TRIM66: variants seen among roughly 807,000 people sequenced by gnomAD.
The protein encoded by TRIM66 is tripartite motif containing 66.
Under a neutral mutation model 148.2 loss-of-function variants are expected in TRIM66, and 99 were observed. That is an observed-to-expected ratio of 0.67 (90% CI 0.57 to 0.79). The LOEUF is 0.79. Ranked by LOEUF, TRIM66 falls within the 30% of genes least tolerant of loss-of-function variation. The pLI, the probability that TRIM66 is intolerant of heterozygous loss-of-function variation, is 0.00. For synonymous variants in TRIM66, 616 were observed against 635.9 expected (o/e 0.97, Z 0.47); for missense variants, 1,666 against 1,697.9 (o/e 0.98, Z 0.33).
In TRIM66 at chr11:8,648,081, C is replaced by T. The variant is rs1271956006; in HGVS notation, c.731G>A (p.Arg244Lys). The T allele has an allele frequency of 2.6e-6, 4 of 1,551,620 alleles. No individual in the cohort carries two copies. The highest frequency in any genetic ancestry group is 2.6e-6 in the Non-Finnish European group (3 of 1,146,898). ...GTTTTGCAAAACTTCTTCAACATGTCTGCACCTAGGGGATGAGGCAGAGAA... is the reference window on the plus strand; with the variant it reads ...GTTTTGCAAAACTTCTTCAACATGTTTGCACCTAGGGGATGAGGCAGAGAA... ...LVVEHKEHRC[R>K]HVEEVLQNQR... The change falls in exon 10 of 25, where the codon AGA (arginine) becomes AAA (lysine). Residue 244 changes from arginine (R) to lysine (K), a missense_variant. Arg to Lys is a conservative substitution (Grantham distance 26, BLOSUM62 2). Around this residue, in one of 3 missense-constraint regions of TRIM66, gnomAD observed 1,431 missense variants for 1,412.4 expected, o/e 1.01. Coordinates refer to ENST00000646038, the MANE Select transcript of TRIM66 (RefSeq NM_001388022.1).
At chr11:8,649,009 G>A (rs996342008) in intron 8 of TRIM66, among the ~76,000 whole-genome samples, 2 of 152,186 alleles carry the variant, frequency 1.3e-5, no homozygotes, top group African/African-American at 4.8e-5. Context: ...ACAATTCAAG[G>A]GCCTTGAGAA....
chr11:8,658,167 C>A (rs1243722924), intron 6 of TRIM66, among the ~76,000 whole-genome samples: 3 of 152,224 alleles, frequency 2.0e-5, no homozygotes, highest in Non-Finnish European at 2.9e-5. Context: ...GATACTCCTG[C>A]AAGAAAGAGC....
chr11:8,621,629 C>A lies in TRIM66; in HGVS notation c.3255+16G>T. ...GCTGGGCCAGGGTTTAAGGCCAAGG[C>A]AAAGCAAAGTGGTACCTTAATGGAC... On this transcript the variant is annotated intron_variant, in intron 19 of 24. Coordinates refer to ENST00000646038, the MANE Select transcript of TRIM66 (RefSeq NM_001388022.1). 1.3e-6 allele frequency: 2 copies of A among 1,508,150 alleles called. No individual in the cohort carries two copies. Among genetic ancestry groups the A allele is most frequent in the Non-Finnish European group, 8.9e-7 (1 of 1,128,466 alleles). 93.4% of individuals were successfully genotyped at this position (1,508,150 alleles called of 1,614,324 possible). A position where few individuals can be genotyped will look rare whatever the true frequency, so the allele number is the denominator to read the frequency against.
chr11:8,661,392 G>A (rs1371663782), intron 6 of TRIM66, among the ~76,000 whole-genome samples: 1 of 152,252 alleles, frequency 6.6e-6, no homozygotes, highest in African/African-American at 2.4e-5. Context: ...GGTAGGATGA[G>A]TCTGGGCTCA....
chr11:8,642,930 G>T, intron 13 of TRIM66, 79 bp downstream of exon 13: 2 of 838,490 alleles, frequency 2.4e-6, no homozygotes, highest in Non-Finnish European at 3.4e-6. Context: ...TTGGGCATAT[G>T]CTGACCTACC....
intron 6 of TRIM66, chr11:8,654,677 T>C (rs1183785107): frequency 1.3e-5 from 2 of 152,212 alleles, no homozygotes; most frequent in East Asian, 3.9e-4. Flanking sequence ...ACATCAGTGG[T>C]AGGTTCTTGG....
In TRIM66 at chr11:8,622,339, A is replaced by AACACACACACACAC. The variant is rs150269400; in HGVS notation, c.3080+463_3080+476dup. 4.8e-3 allele frequency among the ~76,000 whole-genome samples: 341 copies of AACACACACACACAC among 70,722 alleles called. 3 individuals carry two copies. Among genetic ancestry groups the AACACACACACACAC allele is most frequent in the South Asian group, 8.1e-3 (18 of 2,230 alleles). 46.4% of individuals were successfully genotyped at this position (70,722 alleles called of 152,430 possible). A position where few individuals can be genotyped will look rare whatever the true frequency, so the allele number is the denominator to read the frequency against. The stretch of plus-strand genomic sequence containing the variant: ...TATATATGGAAGTACACACACACAC[A>AACACACACACACAC]ACACACACACACACACACACACACA... On this transcript the variant is annotated intron_variant, in intron 18 of 24. Coordinates refer to ENST00000646038, the MANE Select transcript of TRIM66 (RefSeq NM_001388022.1).
rs147088164 is a variant in TRIM66, at chr11:8,625,463, T to TTGTGTGTGTGTGTGTGTGTGTGTGTG, written c.2311-261_2311-236dup. Among the ~76,000 whole-genome samples, 13 of 148,248 alleles carry TTGTGTGTGTGTGTGTGTGTGTGTGTG rather than the reference T, an allele frequency of 8.8e-5. No homozygotes were observed. The East Asian group carries it at 1.7e-3, about 19-fold the overall frequency. On this transcript the variant is annotated intron_variant, in intron 15 of 24. Transcript: ENST00000646038. Reference sequence around the variant, plus strand: ...AGAGAGAGGCACAAGCGGAGAACTATTGTGTGTGTGTGTGTGTGTGTGTGT... The same window carrying TTGTGTGTGTGTGTGTGTGTGTGTGTG: ...AGAGAGAGGCACAAGCGGAGAACTATTGTGTGTGTGTGTGTGTGTGTGTGTGTGTGTGTGTGTGTGTGTGTGTGTGT...
At chr11:8,652,163 T>G (rs996642262) in intron 6 of TRIM66, among the ~76,000 whole-genome samples, 2 of 152,088 alleles carry the variant, frequency 1.3e-5, no homozygotes, top group African/African-American at 2.4e-5. Flanking sequence ...CCCTGCCCCA[T>G]AAACCATGCT....
Position 8,612,890 on chromosome 11 carries a change from GC to G in TRIM66, c.*5053del, listed in dbSNP as rs1230872838. ...GATCATGGTGAGGAGCTGCCCACCA[GC>G]CTGGTAATCCAGTTTAGCCAGACTG... On this transcript the variant is annotated 3_prime_UTR_variant, in exon 25 of 25. Coordinates refer to ENST00000646038, the MANE Select transcript of TRIM66 (RefSeq NM_001388022.1). 1 of 152,318 alleles carries G rather than the reference GC, an allele frequency of 6.6e-6. No homozygotes were observed. The highest frequency in any genetic ancestry group is 1.5e-5 in the Non-Finnish European group (1 of 68,118). 9.4% of individuals were successfully genotyped at this position (152,318 alleles called of 1,614,324 possible). A position where few individuals can be genotyped will look rare whatever the true frequency, so the allele number is the denominator to read the frequency against.
intron 8 of TRIM66, 107 bp downstream of exon 8, chr11:8,649,633 C>T: frequency 7.0e-7 from 1 of 1,427,294 alleles, no homozygotes; most frequent in Non-Finnish European, 9.4e-7. Flanking sequence ...CTGTCCCTAC[C>T]TTCTCCCCCA....
chr11:8,635,445 C>T (rs2035791841), intron 15 of TRIM66, among the ~76,000 whole-genome samples: 1 of 152,112 alleles, frequency 6.6e-6, no homozygotes, highest in African/African-American at 2.4e-5. Context: ...TCCACCCTGC[C>T]CAACCCCAGC....
At chr11:8,657,432 A>G (rs977618433) in intron 6 of TRIM66, among the ~76,000 whole-genome samples, 4 of 152,162 alleles carry the variant, frequency 2.6e-5, no homozygotes, top group Non-Finnish European at 5.9e-5. Flanking sequence ...TCATCCAGCC[A>G]ATTCCCCACC....
At chr11:8,675,815 T>C (rs1775691630) in intron 3 of TRIM66, among the ~76,000 whole-genome samples, 1 of 151,010 alleles carries the variant, frequency 6.6e-6, no homozygotes, top group African/African-American at 2.4e-5. Flanking sequence ...CTTGATTCAC[T>C]GCAACCTCCG....
rs1298224975 is a variant in TRIM66, at chr11:8,640,928, G to A, written c.1447C>T (p.Pro483Ser). The A allele has an allele frequency of 1.9e-6, 3 of 1,551,002 alleles. No homozygotes were observed. The Admixed American group carries it at 5.9e-5, about 30-fold the overall frequency. ...VSPSLKGQVPPPSIHPAHSFR... is the reference protein window; with the variant it reads ...VSPSLKGQVPSPSIHPAHSFR... ...CTGTGGGCTGGGTGTATGCTGGGTGGGGGGACCTGGCCTTTGAGGGAAGGC... is the reference window on the plus strand; with the variant it reads ...CTGTGGGCTGGGTGTATGCTGGGTGAGGGGACCTGGCCTTTGAGGGAAGGC... Residue 483 changes from proline to serine, a missense_variant, in exon 14 of 25, where the codon CCA (proline) becomes TCA (serine). Coordinates refer to ENST00000646038, the MANE Select transcript of TRIM66 (RefSeq NM_001388022.1).
chr11:8,660,612 A>G lies in TRIM66; in HGVS notation c.341-8709T>C, dbSNP rs1000789526. Among the ~76,000 whole-genome samples, 9 of 152,344 alleles carry G rather than the reference A, an allele frequency of 5.9e-5. No individual in the cohort carries two copies. In the East Asian group the frequency reaches 1.7e-3, roughly 29 times the overall value. The stretch of plus-strand genomic sequence containing the variant: ...CTGTATGACCCACAAAGCCTAAAAT[A>G]TTTACTATCTAGCCTTGTGCAGAAA... On this transcript the variant is annotated intron_variant, in intron 6 of 24. Coordinates refer to ENST00000646038, the MANE Select transcript of TRIM66 (RefSeq NM_001388022.1).
At chr11:8,648,335 T>C in intron 9 of TRIM66, 81 bp downstream of exon 9, 2 of 1,510,906 alleles carry the variant, frequency 1.3e-6, no homozygotes, top group Middle Eastern at 2.4e-4. Flanking sequence ...AAGATTCTGA[T>C]GCACGGGGAT....
chr11:8,631,687 G>A (rs1171238376), intron 15 of TRIM66, among the ~76,000 whole-genome samples: 1 of 152,110 alleles, frequency 6.6e-6, no homozygotes, highest in Non-Finnish European at 1.5e-5. Context: ...TAGAAATCTT[G>A]ACTCCCTGCC....
intron 12 of TRIM66, chr11:8,644,285 G>C (rs2036658021): frequency 2.7e-6 from 1 of 366,106 alleles, no homozygotes; most frequent in Non-Finnish European, 5.3e-6. Flanking sequence ...CCACTTCAGT[G>C]ATTATGAATT....
Sources: gnomAD v4.1 joint callset for allele counts (sites outside exome capture counted in the v4.1 genomes callset) on GRCh38, gnomAD v4.1.1 for gene constraint, gnomAD v4.1.1 regional missense constraint, MANE v1.5 for transcripts, NCBI Gene and HGNC (gene_info 2026-07-23, HGNC 2026-07-21) for gene names.